CLVS1: variants seen among roughly 807,000 people sequenced by gnomAD.
CLVS1 encodes clavesin-1.
A neutral mutation model predicts 33.1 loss-of-function variants in CLVS1; 10 were observed. The ratio of observed to expected loss-of-function variants is 0.30; its 90% CI spans 0.19 to 0.51. The LOEUF (loss-of-function observed/expected upper bound fraction) is 0.51. Among genes scored for constraint, CLVS1 ranks in the 20% least tolerant of loss-of-function variants. The pLI, the probability that CLVS1 is intolerant of heterozygous loss-of-function variation, is 0.97. For missense variants in CLVS1, 343 were observed against 433.4 expected (o/e 0.79, Z 1.85); for synonymous variants, 163 against 166.1 (o/e 0.98, Z 0.14).
chr8:61,328,498 A>G (rs1455658007), intron 2 of CLVS1, among the ~76,000 whole-genome samples: 1 of 151,712 alleles, frequency 6.6e-6, no homozygotes, highest in Non-Finnish European at 1.5e-5. Flanking sequence ...ATATATTACC[A>G]GCTGTCCCCT....
chr8:60,979,525 T>A, the CLVS1 span, among the ~76,000 whole-genome samples: 1 of 152,226 alleles, frequency 6.6e-6, no homozygotes, highest in South Asian at 2.1e-4. Flanking sequence ...CCTCCCGGTA[T>A]CTGCTTTGAG....
intron 2 of CLVS1, among the ~76,000 whole-genome samples, chr8:61,345,784 C>T (rs960350614): frequency 2.6e-5 from 4 of 151,866 alleles, no homozygotes; most frequent in African/African-American, 9.7e-5. Context: ...GGTGACTGAA[C>T]AGCTTCTATT....
At position 61,221,248 on chromosome 8, in the gene CLVS1, C is replaced by T. The variant is rs144398115; in HGVS notation, c.-151-78429C>T. Among the ~76,000 whole-genome samples, 772 of 152,230 alleles carry T rather than the reference C, an allele frequency of 5.1e-3. 11 individuals carry two copies. Among genetic ancestry groups the T allele is most frequent in the African/African-American group, 0.018 (736 of 41,558 alleles). On this transcript the variant is annotated intron_variant, in intron 2 of 2. Transcript: ENST00000522621. ...GAACAGGAGTGGTGAAAGAGGGCAT[C>T]CTTTTCTTGTGCCGGTTTGCAAAGG...
upstream of CLVS1, among the ~76,000 whole-genome samples, chr8:61,056,367 A>G (rs1804473553): frequency 6.6e-6 from 1 of 152,188 alleles, no homozygotes; most frequent in Non-Finnish European, 1.5e-5. Flanking sequence ...ATGGAAGTAA[A>G]CATCTTAACA....
chr8:61,163,564 G>T (rs1220966322), intron 2 of CLVS1, among the ~76,000 whole-genome samples: 1 of 152,174 alleles, frequency 6.6e-6, no homozygotes, highest in Non-Finnish European at 1.5e-5. Flanking sequence ...AGATGGTGGT[G>T]GGCTGCTCCC....
intron 2 of CLVS1, among the ~76,000 whole-genome samples, chr8:61,187,590 C>T (rs936959850): frequency 1.3e-5 from 2 of 152,000 alleles, no homozygotes; most frequent in African/African-American, 4.8e-5. Context: ...ACAGTTTGCC[C>T]AGAAGGCCAG....
chr8:61,213,646 TCTTTA>T (rs1401382841), intron 2 of CLVS1, among the ~76,000 whole-genome samples: 4 of 152,120 alleles, frequency 2.6e-5, no homozygotes. Context: ...CCTACACCCG[TCTTTA>T]CTTTAATCTC....
At chr8:61,449,275 T>C (rs1240376108) in intron 3 of CLVS1, among the ~76,000 whole-genome samples, 1 of 152,192 alleles carries the variant, frequency 6.6e-6, no homozygotes, top group African/African-American at 2.4e-5. Context: ...GACTGTCAAT[T>C]AGTCCCCTTC....
chr8:61,027,139 G>A, the CLVS1 span, among the ~76,000 whole-genome samples: 7 of 152,108 alleles, frequency 4.6e-5, no homozygotes, highest in Admixed American at 1.3e-4. Context: ...CCAATAGGGC[G>A]AAGAATGCAT....
At chr8:61,157,276 T>C (rs1420321779) in intron 2 of CLVS1, among the ~76,000 whole-genome samples, 5 of 152,002 alleles carry the variant, frequency 3.3e-5, no homozygotes, top group Non-Finnish European at 7.4e-5. Context: ...ACAGATGCAC[T>C]AAAACGATTT....
intron 1 of CLVS1, among the ~76,000 whole-genome samples, chr8:61,073,463 T>C (rs978813429): frequency 5.9e-5 from 9 of 152,222 alleles, no homozygotes; most frequent in Non-Finnish European, 1.2e-4. Context: ...AAGCCACAAA[T>C]GAGACTTGTC....
intron 1 of CLVS1, among the ~76,000 whole-genome samples, chr8:61,061,357 G>A (rs764997172): frequency 1.3e-5 from 2 of 152,092 alleles, no homozygotes; most frequent in Non-Finnish European, 2.9e-5. Context: ...AACATTGCCT[G>A]ATTAGTTCCT....
At chr8:61,223,370 C>G (rs546780581) in intron 2 of CLVS1, among the ~76,000 whole-genome samples, 4 of 152,108 alleles carry the variant, frequency 2.6e-5, no homozygotes, top group Non-Finnish European at 5.9e-5. Context: ...CAGGGCAGGC[C>G]TGGTGGTGAT....
chr8:61,057,729 G>A (rs970986868), intron 1 of CLVS1, among the ~76,000 whole-genome samples: 7 of 152,138 alleles, frequency 4.6e-5, no homozygotes, highest in Non-Finnish European at 8.8e-5. Context: ...TGTTTCAGTC[G>A]TAATCCTAAA....
rs945229827 is a variant in CLVS1, at chr8:61,074,456, GTA to G, written c.-243+17234_-243+17235del. Reference sequence around the variant, plus strand: ...ATGTTATATATATATAAGTATATGTGTATATATATGTTATATATATATAAGTA... The same window carrying G: ...ATGTTATATATATATAAGTATATGTGTATATATGTTATATATATATAAGTA... On this transcript the variant is annotated intron_variant, in intron 1 of 2. Transcript: ENST00000522621. Among the ~76,000 whole-genome samples the G allele has an allele frequency of 3.5e-4, 38 of 108,788 alleles. 2 individuals carry two copies. The highest frequency in any genetic ancestry group is 1.2e-3 in the African/African-American group (20 of 17,106). 71.4% of individuals were successfully genotyped at this position (108,788 alleles called of 152,430 possible). A position where few individuals can be genotyped will look rare whatever the true frequency, so the allele number is the denominator to read the frequency against.
At chr8:61,181,526 C>A (rs1486386403) in intron 2 of CLVS1, among the ~76,000 whole-genome samples, 1 of 152,022 alleles carries the variant, frequency 6.6e-6, no homozygotes, top group Admixed American at 6.6e-5. Context: ...ATAGCCAAGA[C>A]AATTCTAAGC....
chr8:61,347,994 C>T (rs1812297891), intron 2 of CLVS1, among the ~76,000 whole-genome samples: 2 of 151,524 alleles, frequency 1.3e-5, no homozygotes, highest in South Asian at 2.1e-4. Context: ...CGACTCTCAG[C>T]GATTTTCAAT....
chr8:61,463,279 C>G (rs1272474161), intron 5 of CLVS1, among the ~76,000 whole-genome samples: 2 of 152,166 alleles, frequency 1.3e-5, no homozygotes, highest in African/African-American at 4.8e-5. Flanking sequence ...GTTTGATCAT[C>G]TATTCAGACC....
At chr8:61,237,074 A>AC (rs1406609431) in intron 2 of CLVS1, among the ~76,000 whole-genome samples, 3 of 152,202 alleles carry the variant, frequency 2.0e-5, no homozygotes, top group Non-Finnish European at 4.4e-5. Context: ...GAGAAATATA[A>AC]CCAGGGGAGG....
Sources: gnomAD v4.1 joint callset for allele counts (sites outside exome capture counted in the v4.1 genomes callset) on GRCh38, gnomAD v4.1.1 for gene constraint, MANE v1.5 for transcripts, NCBI Gene and HGNC (gene_info 2026-07-23, HGNC 2026-07-21) for gene names.